Variants in MBNL2 observed in about 807,000 individuals in gnomAD.
MBNL2 encodes the protein muscleblind like splicing regulator 2.
MBNL2 carries 17 observed loss-of-function variants against 41.9 expected under a neutral mutation model. That is an observed-to-expected ratio of 0.41 (90% CI 0.28 to 0.61). MBNL2 has a LOEUF of 0.61. MBNL2 is among the 20% of genes least tolerant of loss of function. The probability of loss-of-function intolerance (pLI) is 0.35; values close to 1 mark genes in which losing one functional copy is unlikely to be tolerated. For missense variants in MBNL2, 336 were observed against 505.6 expected, an observed-to-expected ratio of 0.66 and a Z score of 3.22; for synonymous variants, 195 against 182.9, an observed-to-expected ratio of 1.07 and a Z score of -0.53.
At chr13:97,287,920 T>TTTGTTTTG (rs1566393511) in intron 2 of MBNL2, among the ~76,000 whole-genome samples, 8 of 118,324 alleles carry the variant, frequency 6.8e-5, no homozygotes, top group African/African-American at 2.2e-4. Context: ...AATTTTCTGT[T>TTTGTTTTG]TTTTTTTTGT....
rs55745808 is a variant in MBNL2 at position 97,363,418 on chromosome 13, CTGTGTGTGTGTGTGTGTG to C, written c.1013-1689_1013-1672del. On this transcript the variant is annotated intron_variant, in intron 7 of 8. Transcript: ENST00000679496. Reference sequence around the variant, plus strand: ...CAAAGGGAGTTGCCAGAAAGAAAAACTGTGTGTGTGTGTGTGTGTGTGTGTGTGTGTGTGTGTGTGTGT... The same window carrying C: ...CAAAGGGAGTTGCCAGAAAGAAAAACTGTGTGTGTGTGTGTGTGTGTGTGT... 4.5e-4 allele frequency among the ~76,000 whole-genome samples: 62 copies of C among 136,644 alleles called. 1 individual carries two copies. Among genetic ancestry groups the C allele is most frequent in the African/African-American group, 3.1e-4 (11 of 35,276 alleles). 89.6% of individuals were successfully genotyped at this position (136,644 alleles called of 152,430 possible).
At chr13:97,274,091 A>T (rs2051673527) in intron 1 of MBNL2, among the ~76,000 whole-genome samples, 1 of 152,172 alleles carries the variant, frequency 6.6e-6, no homozygotes, top group East Asian at 1.9e-4. Flanking sequence ...AAAAAACTTA[A>T]AAAGCCCTAA....
rs939961879 is a variant in MBNL2, at chr13:97,366,779, G to C, written c.1048+1608G>C. 1 of 603,662 alleles carries C rather than the reference G, an allele frequency of 1.7e-6. No individual in the cohort carries two copies. Among genetic ancestry groups the C allele is most frequent in the Non-Finnish European group, 2.9e-6 (1 of 339,444 alleles). The allele number at this position is 603,662 out of a possible 1,614,324, so 37.4% of individuals were successfully genotyped here. A position where few individuals can be genotyped will look rare whatever the true frequency, so the allele number is the denominator to read the frequency against. On this transcript the variant is annotated intron_variant, in intron 8 of 8. Transcript: ENST00000679496. The surrounding 1 kb of genome is among the most constrained non-coding windows in gnomAD (Gnocchi z 4.7). ...GTTTTGTGTTGCACTGTTTGTTTTC[G>C]TACCTAATATTGTGTAATTAACCTG...
At chr13:97,145,974 C>CTT in the MBNL2 span, among the ~76,000 whole-genome samples, 12 of 141,438 alleles carry the variant, frequency 8.5e-5, no homozygotes, top group African/African-American at 3.7e-4. Context: ...CTTTTCTTTT[C>CTT]TTTTCTTTTC....
At chr13:97,223,902 C>A (rs2041187724) in intron 1 of MBNL2, among the ~76,000 whole-genome samples, 1 of 152,186 alleles carries the variant, frequency 6.6e-6, no homozygotes, top group Admixed American at 6.5e-5. Context: ...GCTGTGTGTT[C>A]CTTTATTCGA....
intron 7 of MBNL2, among the ~76,000 whole-genome samples, chr13:97,360,839 T>C (rs7318956): frequency 0.015 from 2,352 of 152,344 alleles, 30 homozygotes; most frequent in Non-Finnish European, 0.025. Flanking sequence ...GAAGCCTTCC[T>C]TGATTTATTT....
intron 3 of MBNL2, among the ~76,000 whole-genome samples, chr13:97,339,896 CTTTTG>C (rs1453300780): frequency 2.2e-5 from 3 of 136,266 alleles, no homozygotes; most frequent in Non-Finnish European, 4.7e-5. Context: ...TGTTTTTCCT[CTTTTG>C]TTTTAAGAAA....
chr13:97,313,072 C>G (rs908482003), intron 2 of MBNL2, among the ~76,000 whole-genome samples: 2 of 152,136 alleles, frequency 1.3e-5, no homozygotes, highest in Non-Finnish European at 2.9e-5. Context: ...AAAATAAATT[C>G]TAGAAATTCT....
chr13:97,276,471 T>C (rs557971456), intron 2 of MBNL2, 62 bp downstream of exon 2: 1 of 1,436,360 alleles, frequency 7.0e-7, no homozygotes, highest in South Asian at 1.2e-5. Context: ...CAGAAGGCTT[T>C]TCATTGCATT....
intron 5 of MBNL2, among the ~76,000 whole-genome samples, chr13:97,355,508 T>C (rs776104007): frequency 6.6e-6 from 1 of 152,166 alleles, no homozygotes; most frequent in Non-Finnish European, 1.5e-5. Flanking sequence ...GGGACTTACC[T>C]ATTGTGCTAA....
chr13:97,178,078 G>A, the MBNL2 span, among the ~76,000 whole-genome samples: 7 of 152,188 alleles, frequency 4.6e-5, no homozygotes, highest in African/African-American at 1.7e-4. Flanking sequence ...AAGACATTGA[G>A]TCTTGGAAAC....
chr13:97,341,176 T>A (rs1354439283), intron 3 of MBNL2, among the ~76,000 whole-genome samples: 1 of 152,202 alleles, frequency 6.6e-6, no homozygotes, highest in Non-Finnish European at 1.5e-5. Context: ...TCCCCAAATT[T>A]GGCCATGCAT....
At chr13:97,363,463 T>TGTGTGTGTGTGA (rs1491108869) in intron 7 of MBNL2, among the ~76,000 whole-genome samples, 3 of 144,540 alleles carry the variant, frequency 2.1e-5, no homozygotes, top group African/African-American at 7.7e-5. Flanking sequence ...TGTGTGTGTG[T>TGTGTGTGTGTGA]GATCAAAAAT....
chr13:97,350,392 TTTC>T (rs1233176457), intron 5 of MBNL2, among the ~76,000 whole-genome samples: 7 of 152,172 alleles, frequency 4.6e-5, no homozygotes, highest in African/African-American at 1.7e-4. Flanking sequence ...GCTGTGGTAA[TTTC>T]TTAAAAATAC....
chr13:97,262,533 C>T (rs2152883696), intron 1 of MBNL2, among the ~76,000 whole-genome samples: 1 of 152,246 alleles, frequency 6.6e-6, no homozygotes, highest in South Asian at 2.1e-4. Flanking sequence ...TGATCCAGTC[C>T]AAGCCTTCCT....
intron 2 of MBNL2, among the ~76,000 whole-genome samples, chr13:97,295,765 T>C (rs963307137): frequency 2.6e-5 from 4 of 152,268 alleles, no homozygotes; most frequent in Admixed American, 6.5e-5. Flanking sequence ...TTAAATCTAG[T>C]AGAGTTCTTG....
intron 1 of MBNL2, among the ~76,000 whole-genome samples, chr13:97,260,987 T>C (rs1437438077): frequency 6.6e-6 from 1 of 152,168 alleles, no homozygotes; most frequent in Non-Finnish European, 1.5e-5. Context: ...TTCGAGGGTG[T>C]TGTCTTGCCA....
At chr13:97,332,289 T>A (rs923069755) in intron 2 of MBNL2, among the ~76,000 whole-genome samples, 5 of 152,318 alleles carry the variant, frequency 3.3e-5, no homozygotes, top group Admixed American at 3.3e-4. Context: ...CCACCCCAGC[T>A]GATGGGCTGT....
the MBNL2 span, among the ~76,000 whole-genome samples, chr13:97,146,402 A>C: frequency 6.6e-6 from 1 of 152,200 alleles, no homozygotes; most frequent in African/African-American, 2.4e-5. Flanking sequence ...ATTAGGCATG[A>C]ACATATGTAT....
Sources: allele counts gnomAD v4.1 joint callset (sites outside exome capture counted in the v4.1 genomes callset), GRCh38; gene constraint gnomAD v4.1.1; non-coding constraint Gnocchi (gnomAD v3.1); transcripts MANE v1.5; gene names NCBI Gene and HGNC (gene_info 2026-07-23, HGNC 2026-07-21).